The following RGS10 variants were observed in gnomAD, a reference collection of about 807,000 sequenced individuals.
RGS10 encodes the protein regulator of G-protein signalling 10.
In RGS10, 11 loss-of-function variants were observed where a neutral mutation model predicts 23.5. The observed-to-expected ratio is 0.47, with a 90% confidence interval of 0.29 to 0.77. RGS10 has a LOEUF of 0.77. RGS10 is among the 30% of genes least tolerant of loss of function. The probability of loss-of-function intolerance (pLI) is 0.08; values close to 1 mark genes in which losing one functional copy is unlikely to be tolerated. For missense variants in RGS10, 180 were observed against 226.3 expected (o/e 0.80, Z 1.31); for synonymous variants, 77 against 83.2 (o/e 0.92, Z 0.41).
chr10:119,532,482 A>C (rs1470745390), intron 1 of RGS10, among the ~76,000 whole-genome samples: 1 of 152,194 alleles, frequency 6.6e-6, no homozygotes, highest in African/African-American at 2.4e-5. Flanking sequence ...TGGGAGGCCA[A>C]GGCAGGCAGA....
intron 2 of RGS10, among the ~76,000 whole-genome samples, chr10:119,526,555 T>C (rs544658447): frequency 2.8e-4 from 42 of 152,330 alleles, no homozygotes; most frequent in Admixed American, 9.1e-4. Flanking sequence ...GAGGTATGTG[T>C]GTTTTCTTAT....
Position 119,538,548 on chromosome 10 carries a change from G to A in RGS10, c.49+4042C>T, listed in dbSNP as rs1294619554. On this transcript the variant is annotated intron_variant, in intron 1 of 4. Transcript: ENST00000369103. This position sits in a 1 kb window ranked among gnomAD's most constrained non-coding sequence, Gnocchi z 4.5. ...GTATTGTCCAGTCCCTCCAGGGGTA[G>A]AGTAGGGAGCAGGAAAAATGGGGCT... is the stretch of plus-strand genomic sequence containing the variant. Among the ~76,000 whole-genome samples the A allele has an allele frequency of 6.6e-6, 1 of 152,210 alleles. No individual in the cohort carries two copies. Among genetic ancestry groups the A allele is most frequent in the Non-Finnish European group, 1.5e-5 (1 of 68,026 alleles).
intron 3 of RGS10, among the ~76,000 whole-genome samples, chr10:119,518,450 C>T (rs902821288): frequency 1.3e-5 from 2 of 152,236 alleles, no homozygotes; most frequent in Non-Finnish European, 2.9e-5. Flanking sequence ...TGTGACAATG[C>T]TCAGCCAGAC....
intron 4 of RGS10, among the ~76,000 whole-genome samples, chr10:119,503,979 A>G (rs1055423925): frequency 1.3e-5 from 2 of 152,246 alleles, no homozygotes; most frequent in Admixed American, 6.5e-5. Flanking sequence ...ACAGTGAGCA[A>G]AAGAGAAGGG....
chr10:119,541,849 T>C (rs1315328245), intron 1 of RGS10, among the ~76,000 whole-genome samples: 1 of 152,144 alleles, frequency 6.6e-6, no homozygotes, highest in Non-Finnish European at 1.5e-5. Flanking sequence ...ACAAAGCCCT[T>C]GGCGCACCCA....
At chr10:119,535,273 A>C (rs1194620155) in intron 1 of RGS10, among the ~76,000 whole-genome samples, 2 of 138,026 alleles carry the variant, frequency 1.4e-5, no homozygotes, top group Non-Finnish European at 3.0e-5. Flanking sequence ...TCCATGCAGA[A>C]AAAAAAAAAA....
chr10:119,516,160 G>A (rs535367547), intron 3 of RGS10, among the ~76,000 whole-genome samples: 3 of 151,402 alleles, frequency 2.0e-5, no homozygotes, highest in African/African-American at 7.3e-5. Flanking sequence ...GCTGAGGCAG[G>A]AGAATTGCTT....
Position 119,515,609 on chromosome 10 carries a change from C to A in RGS10, c.299G>T (p.Ser100Ile). 3 of 1,614,178 alleles carry A rather than the reference C, an allele frequency of 1.9e-6. No individual in the cohort carries two copies. Among genetic ancestry groups the A allele is most frequent in the African/African-American group, 2.7e-5 (2 of 75,054 alleles). ...CACGTTGACCTGTGATGAGGCCTTGCTGGACAGAAAGGTCATGTAGATCTC... is the reference window on the plus strand; with the variant it reads ...CACGTTGACCTGTGATGAGGCCTTGATGGACAGAAAGGTCATGTAGATCTC... ...AKEIYMTFLS[S>I]KASSQVNVEG... Residue 100 changes from serine to isoleucine, a missense_variant, in exon 4 of 5, where the codon AGC becomes ATC. Transcript: ENST00000369103.
At chr10:119,503,932 CAT>C (rs1190623436) in intron 4 of RGS10, among the ~76,000 whole-genome samples, 1 of 152,188 alleles carries the variant, frequency 6.6e-6, no homozygotes, top group African/African-American at 2.4e-5. Context: ...AGGACTTCAA[CAT>C]ATGGATTAGG....
At chr10:119,530,212 G>T (rs1844318726) in intron 1 of RGS10, among the ~76,000 whole-genome samples, 1 of 152,162 alleles carries the variant, frequency 6.6e-6, no homozygotes, top group South Asian at 2.1e-4. Flanking sequence ...GCTAAAAATG[G>T]TTTTGGAGAA....
chr10:119,542,455 A>T, intron 1 of RGS10, 135 bp downstream of exon 1: 2 of 648,998 alleles, frequency 3.1e-6, no homozygotes, highest in Non-Finnish European at 2.3e-6. Flanking sequence ...CAGCGGGGAG[A>T]GGTGGTGCGG....
chr10:119,542,286 TCA>T (rs1200553833), intron 1 of RGS10, among the ~76,000 whole-genome samples: 1 of 152,210 alleles, frequency 6.6e-6, no homozygotes, highest in African/African-American at 2.4e-5. Context: ...GAGCCCCATG[TCA>T]CCTCCAAAGT....
intron 4 of RGS10, among the ~76,000 whole-genome samples, chr10:119,514,536 T>C (rs2133949836): frequency 6.6e-6 from 1 of 151,190 alleles, no homozygotes; most frequent in South Asian, 2.1e-4. Context: ...TGGGCGCCTG[T>C]AATTCCAGCT....
chr10:119,537,338 C>T (rs537048868), intron 1 of RGS10, among the ~76,000 whole-genome samples: 25 of 150,798 alleles, frequency 1.7e-4, no homozygotes, highest in Non-Finnish European at 2.5e-4. Flanking sequence ...GCCGAGATTG[C>T]GCCATTGCAC....
At chr10:119,536,049 G>A (rs1215442716) in intron 1 of RGS10, among the ~76,000 whole-genome samples, 2 of 152,164 alleles carry the variant, frequency 1.3e-5, no homozygotes, top group Admixed American at 1.3e-4. Flanking sequence ...CTGGGTCATG[G>A]AAACATGGTA....
At chr10:119,536,034 A>G (rs1252494167) in intron 1 of RGS10, among the ~76,000 whole-genome samples, 1 of 152,212 alleles carries the variant, frequency 6.6e-6, no homozygotes, top group African/African-American at 2.4e-5. Context: ...AAGGCTCCAG[A>G]GAAACTGGGT....
At chr10:119,522,812 C>T (rs537596528) in intron 3 of RGS10, among the ~76,000 whole-genome samples, 1 of 152,000 alleles carries the variant, frequency 6.6e-6, no homozygotes, top group South Asian at 2.1e-4. Flanking sequence ...GAGCTTACTC[C>T]CTGGTTTTAC....
chr10:119,520,181 C>T (rs1844197128), intron 3 of RGS10, among the ~76,000 whole-genome samples: 1 of 152,186 alleles, frequency 6.6e-6, no homozygotes. Flanking sequence ...ACTTTACTAA[C>T]ATCAATTTCA....
rs567004342 is a variant in RGS10, at chr10:119,503,060, A to G, written c.400-2801T>C. Among the ~76,000 whole-genome samples, 24 of 152,308 alleles carry G rather than the reference A, an allele frequency of 1.6e-4. 1 individual carries two copies. The highest frequency in any genetic ancestry group is 1.6e-3 in the Admixed American group (24 of 15,302). On this transcript the variant is annotated intron_variant, in intron 4 of 4. Coordinates refer to ENST00000369103, the MANE Select transcript of RGS10 (RefSeq NM_001005339.2). The stretch of plus-strand genomic sequence containing the variant: ...ACAGGGTGCTCCTGGGACGGGGCTC[A>G]GCAAAGGTGACTTAGAGGATGGAGA...
Sources: allele counts gnomAD v4.1 joint callset (sites outside exome capture counted in the v4.1 genomes callset), GRCh38; gene constraint gnomAD v4.1.1; non-coding constraint Gnocchi (gnomAD v3.1); transcripts MANE v1.5; gene names NCBI Gene and HGNC (gene_info 2026-07-23, HGNC 2026-07-21).